The following SYNRG variants were observed in gnomAD, a reference collection of about 807,000 sequenced individuals.
SYNRG encodes synergin gamma.
SYNRG carries 37 observed loss-of-function variants against 130.9 expected under a neutral mutation model. That is an observed-to-expected ratio of 0.28 (90% CI 0.22 to 0.37). The LOEUF is 0.37. SYNRG is among the 10% of genes least tolerant of loss of function. SYNRG has a pLI of 1.00. For synonymous variants in SYNRG, 539 were observed against 568.1 expected (o/e 0.95, Z 0.73); for missense variants, 1,338 against 1,588.9 (o/e 0.84, Z 2.68).
At chr17:37,574,023 T>A (rs2060629910) in intron 8 of SYNRG, among the ~76,000 whole-genome samples, 1 of 152,122 alleles carries the variant, frequency 6.6e-6, no homozygotes, top group South Asian at 2.1e-4. Context: ...ACTACAAAGC[T>A]ATAGTAACCA....
At chr17:37,523,071 G>C (rs960118597) in intron 19 of SYNRG, among the ~76,000 whole-genome samples, 73 of 152,264 alleles carry the variant, frequency 4.8e-4, no homozygotes, top group African/African-American at 1.6e-3. Flanking sequence ...CTGAAAGCTA[G>C]ACAAGAGTAA....
intron 8 of SYNRG, among the ~76,000 whole-genome samples, chr17:37,574,526 A>G (rs2060659121): frequency 6.6e-6 from 1 of 152,214 alleles, no homozygotes; most frequent in Non-Finnish European, 1.5e-5. Flanking sequence ...AATAACCAAA[A>G]TATATAAGAA....
chr17:37,586,589 C>T lies in SYNRG; in HGVS notation c.241-40G>A, dbSNP rs1191706724. The T allele has an allele frequency of 1.9e-6, 3 of 1,608,192 alleles. No individual in the cohort carries two copies. The South Asian group carries it at 3.3e-5, about 18-fold the overall frequency. ...CAAAGGCTTAAAAAACACAATTTAT[C>T]CCTTTAATTATCACACACAAAAATG... On this transcript the variant is annotated intron_variant, in intron 3 of 21. Transcript: ENST00000612223.
Position 37,553,406 on chromosome 17 carries a change from C to G in SYNRG, c.2317G>C (p.Asp773His), listed in dbSNP as rs375809356. Residue 773 changes from aspartate (D) to histidine (H), a missense_variant, in exon 14 of 22, where the codon GAT becomes CAT. Transcript: ENST00000612223. ...LKDNTPSGKS[D>H]DDFADFHSSK... The stretch of plus-strand genomic sequence containing the variant: ...GAGTGGAAGTCAGCAAAATCATCAT[C>G]ACTTTTTCCTGAAGGAGTGTTATCT... The G allele has an allele frequency of 6.2e-7, 1 of 1,614,100 alleles. No homozygotes were observed. Among genetic ancestry groups the G allele is most frequent in the Non-Finnish European group, 8.5e-7 (1 of 1,180,040 alleles).
chr17:37,534,141 A>C (rs1360972110), intron 19 of SYNRG, among the ~76,000 whole-genome samples: 1 of 147,238 alleles, frequency 6.8e-6, no homozygotes, highest in Non-Finnish European at 1.5e-5. Context: ...ATGGGGTTTC[A>C]CCATTTTGGC....
At chr17:37,523,920 G>A (rs1363681770) in intron 19 of SYNRG, among the ~76,000 whole-genome samples, 1 of 151,738 alleles carries the variant, frequency 6.6e-6, no homozygotes. Context: ...ACAACATCCT[G>A]TCTTGAGAAC....
Position 37,553,225 on chromosome 17 carries a change from G to C in SYNRG, c.2498C>G (p.Ser833Cys). Residue 833 changes from serine to cysteine, a missense_variant, in exon 14 of 22, where the codon TCT (serine) becomes TGT (cysteine). Physicochemically the swap from Ser to Cys is moderately radical, Grantham distance 112. Around this residue, in one of 3 missense-constraint regions of SYNRG, gnomAD observed 1,146 missense variants for 1,342.3 expected, o/e 0.85. Transcript: ENST00000612223. ...VGKEDSEDAL[S>C]VQFDMKLADV... ...AGCCAATTTCATGTCAAACTGAACAGAGAGTGCATCTTCAGAGTCCTCCTT... is the reference window on the plus strand; with the variant it reads ...AGCCAATTTCATGTCAAACTGAACACAGAGTGCATCTTCAGAGTCCTCCTT... 1 of 1,614,068 alleles carries C rather than the reference G, an allele frequency of 6.2e-7. No homozygotes were observed. Among genetic ancestry groups the C allele is most frequent in the Non-Finnish European group, 8.5e-7 (1 of 1,179,996 alleles).
chr17:37,584,858 A>G (rs2061578301), intron 5 of SYNRG, 99 bp from the exon 6 acceptor site: 2 of 882,250 alleles, frequency 2.3e-6, no homozygotes, highest in Admixed American at 5.0e-5. Context: ...TCTATTTCCA[A>G]TATTTTTACC....
At chr17:37,550,077 T>C (rs568305132) in intron 14 of SYNRG, among the ~76,000 whole-genome samples, 3 of 152,324 alleles carry the variant, frequency 2.0e-5, no homozygotes, top group Admixed American at 1.3e-4. Flanking sequence ...TAGATAGTTA[T>C]AGTTAACTCT....
At chr17:37,566,985 A>C (rs978361764) in intron 11 of SYNRG, 16 of 152,284 alleles carry the variant, frequency 1.1e-4, no homozygotes, top group Non-Finnish European at 2.1e-4. Flanking sequence ...ATTAGGGCAC[A>C]GACATTCATC....
Position 37,526,052 on chromosome 17 carries a change from G to A in SYNRG, c.3667-5404C>T, listed in dbSNP as rs548246509. On this transcript the variant is annotated intron_variant, in intron 19 of 21. Coordinates refer to ENST00000612223, the MANE Select transcript of SYNRG (RefSeq NM_007247.6). ...GGAAGCTGAGGTAGGAGAATAGCTT[G>A]AACCCAAGAGATGGAGGCTGCAGTG... Among the ~76,000 whole-genome samples the A allele has an allele frequency of 3.9e-5, 6 of 152,208 alleles. No homozygotes were observed. In the South Asian group the frequency reaches 1.2e-3, roughly 32 times the overall value.
At chr17:37,538,839 C>T (rs1472763607) in intron 17 of SYNRG, among the ~76,000 whole-genome samples, 7 of 152,214 alleles carry the variant, frequency 4.6e-5, no homozygotes, top group East Asian at 3.8e-4. Context: ...GTGATCCGCC[C>T]GCCTTGGCCT....
At chr17:37,555,541 G>T (rs537297478) in intron 13 of SYNRG, among the ~76,000 whole-genome samples, 1 of 152,176 alleles carries the variant, frequency 6.6e-6, no homozygotes, top group African/African-American at 2.4e-5. Context: ...AGCATCTGAA[G>T]GTCTACCATA....
chr17:37,608,612 C>G (rs2064030696), intron 1 of SYNRG, among the ~76,000 whole-genome samples: 1 of 152,176 alleles, frequency 6.6e-6, no homozygotes, highest in Non-Finnish European at 1.5e-5. Context: ...AATAAATGCG[C>G]AACTGCTGTT....
intron 6 of SYNRG, among the ~76,000 whole-genome samples, chr17:37,581,475 A>T (rs533453693): frequency 6.6e-6 from 1 of 151,674 alleles, no homozygotes; most frequent in African/African-American, 2.4e-5. Context: ...ATGGGGTTTC[A>T]CCATGTTGGC....
chr17:37,587,892 C>G (rs925027453), intron 3 of SYNRG, among the ~76,000 whole-genome samples: 1 of 152,202 alleles, frequency 6.6e-6, no homozygotes, highest in Non-Finnish European at 1.5e-5. Flanking sequence ...GACACTTGAC[C>G]ACCACCTCCT....
chr17:37,563,279 T>C (rs1369240891), intron 11 of SYNRG, among the ~76,000 whole-genome samples: 1 of 152,228 alleles, frequency 6.6e-6, no homozygotes, highest in Non-Finnish European at 1.5e-5. Context: ...GAAAGGCATA[T>C]ATGATTTTAC....
intron 4 of SYNRG, among the ~76,000 whole-genome samples, chr17:37,586,093 G>T (rs2061671851): frequency 6.6e-6 from 1 of 152,164 alleles, no homozygotes; most frequent in South Asian, 2.1e-4. Flanking sequence ...TCGGGGCCCA[G>T]GTGATCCTCC....
intron 3 of SYNRG, among the ~76,000 whole-genome samples, chr17:37,594,898 A>C (rs560568013): frequency 6.6e-6 from 1 of 152,340 alleles, no homozygotes; most frequent in African/African-American, 2.4e-5. Context: ...TCCAAGTGTT[A>C]GCTTTAAAAG....
Sources: gnomAD v4.1 joint callset for allele counts (sites outside exome capture counted in the v4.1 genomes callset) on GRCh38, gnomAD v4.1.1 for gene constraint, gnomAD v4.1.1 regional missense constraint, MANE v1.5 for transcripts, NCBI Gene and HGNC (gene_info 2026-07-23, HGNC 2026-07-21) for gene names.